The following BAZ2B variants were observed in gnomAD, a reference collection of about 807,000 sequenced individuals.
The protein encoded by BAZ2B is bromodomain adjacent to zinc finger domain 2B.
Under a neutral mutation model 246.0 loss-of-function variants are expected in BAZ2B, and 91 were observed. The observed-to-expected ratio is 0.37, with a 90% CI of 0.31 to 0.44. BAZ2B has a LOEUF of 0.44. BAZ2B is among the 20% of genes least tolerant of loss of function. The pLI is 1.00. For synonymous variants in BAZ2B, 855 were observed against 860.0 expected (o/e 0.99, Z 0.10); for missense variants, 2,332 against 2,533.7 (o/e 0.92, Z 1.71).
chr2:159,392,675 C>T (rs571261686), intron 20 of BAZ2B, among the ~76,000 whole-genome samples: 15 of 152,258 alleles, frequency 9.9e-5, no homozygotes, highest in African/African-American at 3.6e-4. Flanking sequence ...GTTCTTACTT[C>T]TGACTACAGT....
At chr2:159,371,524 C>A (rs1215245653) in intron 27 of BAZ2B, among the ~76,000 whole-genome samples, 2 of 152,222 alleles carry the variant, frequency 1.3e-5, no homozygotes, top group African/African-American at 2.4e-5. Context: ...TAATTTCTTA[C>A]AGCAATTCAA....
chr2:159,618,293 A>G (rs1408076333), upstream of BAZ2B, among the ~76,000 whole-genome samples: 1 of 152,224 alleles, frequency 6.6e-6, no homozygotes, highest in Non-Finnish European at 1.5e-5. Flanking sequence ...GTTCAAATGC[A>G]TAATTTAATC....
At chr2:159,676,986 ATATATATATT>A in the BAZ2B span, among the ~76,000 whole-genome samples, 4 of 122,256 alleles carry the variant, frequency 3.3e-5, no homozygotes, top group Non-Finnish European at 6.7e-5. Context: ...ATATATATAT[ATATATATATT>A]ACAATTTTTA....
chr2:159,687,014 C>T, the BAZ2B span, among the ~76,000 whole-genome samples: 7 of 131,998 alleles, frequency 5.3e-5, no homozygotes, highest in Admixed American at 2.5e-4. Context: ...TACGCTCCAG[C>T]CTGGGTGACA....
intron 3 of BAZ2B, among the ~76,000 whole-genome samples, chr2:159,468,297 T>C (rs541242411): frequency 2.0e-5 from 3 of 151,796 alleles, no homozygotes; most frequent in East Asian, 3.9e-4. Flanking sequence ...AATTAGGGGG[T>C]AATCTTAGAA....
intron 1 of BAZ2B, among the ~76,000 whole-genome samples, chr2:159,583,544 A>G (rs1279158683): frequency 5.9e-5 from 9 of 152,224 alleles, no homozygotes; most frequent in Non-Finnish European, 1.3e-4. Context: ...AACAAACATA[A>G]GTAAATCAAT....
intron 2 of BAZ2B, among the ~76,000 whole-genome samples, chr2:159,489,828 G>C (rs759463091): frequency 6.6e-6 from 1 of 152,284 alleles, no homozygotes. Flanking sequence ...CAGGAGGACT[G>C]CTTAAGCCCA....
chr2:159,414,877 A>C (rs545408478), intron 13 of BAZ2B, among the ~76,000 whole-genome samples: 60 of 152,152 alleles, frequency 3.9e-4, no homozygotes, highest in African/African-American at 1.4e-3. Flanking sequence ...ACTCACAACA[A>C]TGAAAAAAAT....
At chr2:159,661,680 G>A in the BAZ2B span, among the ~76,000 whole-genome samples, 3 of 152,004 alleles carry the variant, frequency 2.0e-5, no homozygotes, top group East Asian at 1.9e-4. Context: ...GTTTGTATGT[G>A]TGTTTTATTG....
intron 27 of BAZ2B, 89 bp downstream of exon 27, chr2:159,372,956 T>C (rs1304039628): frequency 9.2e-6 from 13 of 1,405,822 alleles, no homozygotes; most frequent in Non-Finnish European, 9.6e-6. Context: ...ACATTGATTA[T>C]GGGAACACAA....
At chr2:159,336,852 T>A in intron 33 of BAZ2B, 90 bp downstream of exon 33, 1 of 1,122,670 alleles carries the variant, frequency 8.9e-7, no homozygotes, top group Non-Finnish European at 1.2e-6. Context: ...ATTATGACAA[T>A]AGGTAATGTA....
intron 25 of BAZ2B, among the ~76,000 whole-genome samples, chr2:159,375,623 A>G (rs1178526264): frequency 6.6e-6 from 1 of 152,214 alleles, no homozygotes; most frequent in Admixed American, 6.5e-5. Flanking sequence ...CAGAGAAAGG[A>G]TTAAAATTGG....
chr2:159,392,501 A>G (rs548748376), intron 20 of BAZ2B, among the ~76,000 whole-genome samples: 1 of 152,244 alleles, frequency 6.6e-6, no homozygotes, highest in Admixed American at 6.5e-5. Context: ...AGCCTCTTCT[A>G]GAGGGCAGAG....
chr2:159,421,174 A>ATTT (rs59654878), intron 13 of BAZ2B, among the ~76,000 whole-genome samples: 53 of 147,398 alleles, frequency 3.6e-4, no homozygotes, highest in South Asian at 6.5e-4. Flanking sequence ...CTTTCTTTAC[A>ATTT]TTTTTTTTTT....
chr2:159,359,215 C>T (rs902557114), intron 27 of BAZ2B, among the ~76,000 whole-genome samples: 1 of 151,948 alleles, frequency 6.6e-6, no homozygotes. Context: ...GGTAGCCACA[C>T]TAATAAAGGA....
chr2:159,610,372 C>A (rs1293794043), intron 1 of BAZ2B, among the ~76,000 whole-genome samples: 2 of 152,122 alleles, frequency 1.3e-5, no homozygotes, highest in Non-Finnish European at 2.9e-5. Flanking sequence ...TATGTCCTAG[C>A]GAGTTAAGAG....
chr2:159,677,516 C>G, the BAZ2B span, among the ~76,000 whole-genome samples: 1 of 152,006 alleles, frequency 6.6e-6, no homozygotes, highest in Non-Finnish European at 1.5e-5. Context: ...AAGAAGGGGA[C>G]AGAAAAACCC....
At chr2:159,686,904 T>C in the BAZ2B span, among the ~76,000 whole-genome samples, 18 of 151,910 alleles carry the variant, frequency 1.2e-4, no homozygotes, top group African/African-American at 1.7e-4. Flanking sequence ...TAGCTGGGCA[T>C]GGTGGCGGGT....
At chr2:159,475,770 A>G (rs1052826317) in intron 3 of BAZ2B, among the ~76,000 whole-genome samples, 3 of 152,048 alleles carry the variant, frequency 2.0e-5, no homozygotes, top group Admixed American at 6.6e-5. Flanking sequence ...TATTGATGCT[A>G]TTCCTTTCTG....
Sources: allele counts gnomAD v4.1 joint callset (sites outside exome capture counted in the v4.1 genomes callset), GRCh38; gene constraint gnomAD v4.1.1; transcripts MANE v1.5; gene names NCBI Gene and HGNC (gene_info 2026-07-23, HGNC 2026-07-21).